The following AGMO variants were observed in gnomAD, a reference collection of about 807,000 sequenced individuals.
AGMO encodes glyceryl-ether monooxygenase.
Under a neutral mutation model 60.2 loss-of-function variants are expected in AGMO, and 75 were observed. The ratio of observed to expected loss-of-function variants is 1.25; its 90% CI spans 1.03 to 1.51. The LOEUF is 1.51. Ranked by LOEUF, AGMO falls within the 40% of genes most tolerant of loss-of-function variation. The probability of loss-of-function intolerance (pLI) is 0.00; values close to 1 mark genes in which losing one functional copy is unlikely to be tolerated. For missense variants in AGMO, 763 were observed against 525.5 expected (o/e 1.45, Z -4.42); for synonymous variants, 261 against 177.1 (o/e 1.47, Z -3.76).
intron 12 of AGMO, among the ~76,000 whole-genome samples, chr7:15,340,852 G>A (rs1177634525): frequency 6.6e-6 from 1 of 152,182 alleles, no homozygotes; most frequent in African/African-American, 2.4e-5. Context: ...ACTGGGCACT[G>A]CCTAGTGGAG....
chr7:15,189,754 G>T, the AGMO span, among the ~76,000 whole-genome samples: 2 of 151,512 alleles, frequency 1.3e-5, no homozygotes, highest in African/African-American at 2.4e-5. Flanking sequence ...GTCTTCGAGC[G>T]CTGAGATGTA....
intron 12 of AGMO, among the ~76,000 whole-genome samples, chr7:15,244,597 T>C (rs1367367300): frequency 6.6e-6 from 1 of 152,178 alleles, no homozygotes; most frequent in African/African-American, 2.4e-5. Context: ...ACTTCTTTTC[T>C]GACTTAATCA....
At chr7:15,555,957 A>T (rs1366945401) in intron 2 of AGMO, among the ~76,000 whole-genome samples, 1 of 151,980 alleles carries the variant, frequency 6.6e-6, no homozygotes. Flanking sequence ...AAGTTAATAC[A>T]TTTAGTATTA....
intron 10 of AGMO, among the ~76,000 whole-genome samples, chr7:15,384,468 TAATTAC>T (rs1390000010): frequency 2.0e-5 from 3 of 152,176 alleles, no homozygotes; most frequent in African/African-American, 7.2e-5. Flanking sequence ...TGCATTTTAA[TAATTAC>T]ATTTTTGTAT....
At chr7:15,141,377 A>G in the AGMO span, among the ~76,000 whole-genome samples, 1 of 152,164 alleles carries the variant, frequency 6.6e-6, no homozygotes. Context: ...TGAGCTCAGG[A>G]GTTTGCAACC....
intron 3 of AGMO, among the ~76,000 whole-genome samples, chr7:15,442,722 C>T (rs756293538): frequency 2.0e-5 from 3 of 152,066 alleles, no homozygotes; most frequent in Non-Finnish European, 4.4e-5. Context: ...GACAGGCACT[C>T]CTGCCTTCAT....
At chr7:15,547,784 C>A (rs981011701) in intron 2 of AGMO, among the ~76,000 whole-genome samples, 1 of 152,014 alleles carries the variant, frequency 6.6e-6, no homozygotes, top group South Asian at 2.1e-4. Context: ...AACAAAGCAG[C>A]CGGGAAGCTC....
chr7:15,557,250 A>C (rs554399354), intron 2 of AGMO, among the ~76,000 whole-genome samples: 215 of 152,264 alleles, frequency 1.4e-3, no homozygotes, highest in South Asian at 7.2e-3. Flanking sequence ...GTCAGAGGCC[A>C]CATGCTTATT....
At chr7:15,378,306 G>A (rs951337100) in intron 10 of AGMO, among the ~76,000 whole-genome samples, 1 of 151,896 alleles carries the variant, frequency 6.6e-6, no homozygotes, top group Admixed American at 6.6e-5. Context: ...TTGAACACAC[G>A]CACAAAATAA....
At chr7:15,320,244 T>C (rs544358591) in intron 12 of AGMO, among the ~76,000 whole-genome samples, 57 of 152,074 alleles carry the variant, frequency 3.7e-4, no homozygotes, top group Admixed American at 3.3e-3. Flanking sequence ...ACATGTACCC[T>C]AGAAAATAAA....
intron 3 of AGMO, among the ~76,000 whole-genome samples, chr7:15,487,753 A>C (rs929618394): frequency 3.9e-5 from 6 of 152,222 alleles, no homozygotes; most frequent in South Asian, 2.1e-4. Context: ...GGAAAAAAAA[A>C]CACATAAAAT....
At chr7:15,454,911 C>T (rs951181507) in intron 3 of AGMO, among the ~76,000 whole-genome samples, 6 of 152,062 alleles carry the variant, frequency 3.9e-5, no homozygotes, top group Admixed American at 2.6e-4. Context: ...CAGATGCAAC[C>T]GCTTTGAACC....
At chr7:15,520,083 G>A (rs1783938591) in intron 3 of AGMO, among the ~76,000 whole-genome samples, 2 of 150,852 alleles carry the variant, frequency 1.3e-5, no homozygotes, top group Non-Finnish European at 2.9e-5. Context: ...CACCAACAAA[G>A]ATCAAAAAAG....
downstream of AGMO, among the ~76,000 whole-genome samples, chr7:15,196,556 C>G (rs1310989914): frequency 6.6e-6 from 1 of 152,164 alleles, no homozygotes; most frequent in Non-Finnish European, 1.5e-5. Context: ...CTCCTTCATT[C>G]TAGTTTGGCT....
At chr7:15,375,996 T>G (rs1206627776) in intron 10 of AGMO, among the ~76,000 whole-genome samples, 1 of 152,132 alleles carries the variant, frequency 6.6e-6, no homozygotes, top group Non-Finnish European at 1.5e-5. Flanking sequence ...TTTCCCAGTT[T>G]ATCAATGTAT....
chr7:15,317,958 ATATATATATACACACACACG>A (rs1036912439), intron 12 of AGMO, among the ~76,000 whole-genome samples: 1 of 142,116 alleles, frequency 7.0e-6, no homozygotes, highest in African/African-American at 2.6e-5. Context: ...CACACACTAT[ATATATATATACACACACACG>A]TATATATATA....
chr7:15,414,820 A>G (rs1259788793), intron 5 of AGMO, among the ~76,000 whole-genome samples: 1 of 152,216 alleles, frequency 6.6e-6, no homozygotes, highest in African/African-American at 2.4e-5. Context: ...GAAAGTGAGT[A>G]TGAGTCTAAA....
At chr7:15,432,301 T>A (rs2128498723) in intron 3 of AGMO, among the ~76,000 whole-genome samples, 1 of 148,598 alleles carries the variant, frequency 6.7e-6, no homozygotes, top group African/African-American at 2.5e-5. Flanking sequence ...ATGAAAATCA[T>A]GGTCATATAT....
chr7:15,255,415 TAAAG>T (rs146802514), intron 12 of AGMO, among the ~76,000 whole-genome samples: 2,101 of 151,412 alleles, frequency 0.014, 55 homozygotes, highest in African/African-American at 0.049. Context: ...ACAAAACATT[TAAAG>T]AAAGACTAAT....
Sources: allele counts gnomAD v4.1 joint callset (sites outside exome capture counted in the v4.1 genomes callset), GRCh38; gene constraint gnomAD v4.1.1; transcripts MANE v1.5; gene names NCBI Gene and HGNC (gene_info 2026-07-23, HGNC 2026-07-21).